The following RIMS2 variants were observed in gnomAD, a reference collection of about 807,000 sequenced individuals.
RIMS2 encodes the protein regulating synaptic membrane exocytosis 2.
A neutral mutation model predicts 174.4 loss-of-function variants in RIMS2; 59 were observed. That is an observed-to-expected ratio of 0.34 (90% confidence interval 0.27 to 0.42). RIMS2 has a LOEUF of 0.42. RIMS2 is among the 10% of genes least tolerant of loss of function. RIMS2 has a pLI of 1.00. For synonymous variants in RIMS2, 606 were observed against 572.5 expected, an observed-to-expected ratio of 1.06 and a Z score of -0.84; for missense variants, 1,620 against 1,666.3, an observed-to-expected ratio of 0.97 and a Z score of 0.48.
chr8:103,826,848 CT>C (rs973653724), intron 3 of RIMS2, among the ~76,000 whole-genome samples: 138 of 143,634 alleles, frequency 9.6e-4, no homozygotes, highest in South Asian at 1.6e-3. Flanking sequence ...AGAGACAAAA[CT>C]TTTTTTTTTT....
At chr8:104,019,506 A>G (rs959754436) in intron 19 of RIMS2, among the ~76,000 whole-genome samples, 4 of 152,292 alleles carry the variant, frequency 2.6e-5, no homozygotes, top group Non-Finnish European at 5.9e-5. Flanking sequence ...GCATTCTCTC[A>G]ATGGAGTTTT....
chr8:104,097,959 T>C (rs1402496533), intron 19 of RIMS2, among the ~76,000 whole-genome samples: 1 of 152,174 alleles, frequency 6.6e-6, no homozygotes, highest in Non-Finnish European at 1.5e-5. Flanking sequence ...TTAACATTTA[T>C]AGCAATGCTA....
chr8:103,757,706 G>A (rs1305218101), intron 2 of RIMS2, among the ~76,000 whole-genome samples: 5 of 152,180 alleles, frequency 3.3e-5, no homozygotes, highest in African/African-American at 1.2e-4. Context: ...GAGATAGGGA[G>A]ATTATGCAGG....
chr8:103,798,531 T>G (rs1014662531), intron 3 of RIMS2, among the ~76,000 whole-genome samples: 1 of 152,210 alleles, frequency 6.6e-6, no homozygotes, highest in African/African-American at 2.4e-5. Context: ...GGTTTGTTAA[T>G]CATTTGTCAG....
At chr8:103,939,086 G>C (rs2081965207) in intron 13 of RIMS2, among the ~76,000 whole-genome samples, 1 of 152,128 alleles carries the variant, frequency 6.6e-6, no homozygotes, top group Admixed American at 6.5e-5. Flanking sequence ...TCTGGAGGTT[G>C]GTGGCCATCT....
At chr8:103,956,875 A>T (rs989176940) in intron 14 of RIMS2, among the ~76,000 whole-genome samples, 8 of 152,236 alleles carry the variant, frequency 5.3e-5, no homozygotes, top group African/African-American at 1.9e-4. Context: ...TAATATCCAG[A>T]ATCTACAAAG....
chr8:103,931,241 A>T (rs1440661001), intron 11 of RIMS2, 22 bp from the exon 14 acceptor site: 6 of 1,560,248 alleles, frequency 3.8e-6, no homozygotes, highest in Non-Finnish European at 5.2e-6. Context: ...TGAATTGATA[A>T]ATGAATATTT....
intron 2 of RIMS2, among the ~76,000 whole-genome samples, chr8:103,749,227 T>A (rs1185466080): frequency 6.6e-6 from 1 of 151,948 alleles, no homozygotes; most frequent in East Asian, 1.9e-4. Flanking sequence ...TTCTCCTCCC[T>A]CAGCCTTCCG....
chr8:103,757,554 A>C (rs3107475), intron 2 of RIMS2, among the ~76,000 whole-genome samples: 41,891 of 151,894 alleles, frequency 0.28, 6,707 homozygotes, highest in East Asian at 0.62. Context: ...TTTTACTTTA[A>C]TTTTGTCTAT....
chr8:104,056,928 A>G (rs1272816444), intron 19 of RIMS2, among the ~76,000 whole-genome samples: 2 of 152,084 alleles, frequency 1.3e-5, no homozygotes, highest in African/African-American at 2.4e-5. Flanking sequence ...AGTATCCTAA[A>G]TATACCCATT....
chr8:103,902,208 G>C (rs796620970), intron 4 of RIMS2, among the ~76,000 whole-genome samples: 1 of 152,166 alleles, frequency 6.6e-6, no homozygotes, highest in Non-Finnish European at 1.5e-5. Flanking sequence ...GGTATCCACA[G>C]TTCCTAAAGG....
chr8:104,165,422 T>G (rs2098790993), intron 19 of RIMS2, among the ~76,000 whole-genome samples: 1 of 152,182 alleles, frequency 6.6e-6, no homozygotes, highest in Admixed American at 6.5e-5. Context: ...TATTTTGCAT[T>G]TATCTTAATG....
chr8:104,040,488 A>G (rs2096590280), intron 19 of RIMS2, among the ~76,000 whole-genome samples: 1 of 151,710 alleles, frequency 6.6e-6, no homozygotes, highest in Non-Finnish European at 1.5e-5. Context: ...ACTAGGGAAA[A>G]AAGTTTTTCC....
chr8:103,559,419 G>T (rs1002577174), intron 1 of RIMS2: 3 of 354,298 alleles, frequency 8.5e-6, no homozygotes, highest in African/African-American at 7.3e-5. Flanking sequence ...ATCCGATGCA[G>T]GGGATTAAAA....
intron 19 of RIMS2, among the ~76,000 whole-genome samples, chr8:104,220,586 A>T (rs2099150445): frequency 6.6e-6 from 1 of 151,856 alleles, no homozygotes; most frequent in South Asian, 2.1e-4. Context: ...TCCCCAGCCA[A>T]TTTATTTTAT....
intron 3 of RIMS2, among the ~76,000 whole-genome samples, chr8:103,810,214 A>G (rs574519824): frequency 6.6e-6 from 1 of 152,310 alleles, no homozygotes; most frequent in African/African-American, 2.4e-5. Context: ...TAGAATCACC[A>G]TTAATATTGC....
At chr8:104,155,483 G>A (rs1173043043) in intron 19 of RIMS2, among the ~76,000 whole-genome samples, 3 of 121,292 alleles carry the variant, frequency 2.5e-5, no homozygotes, top group Non-Finnish European at 5.0e-5. Context: ...GCGCGATCTC[G>A]GCTCACTGCA....
At chr8:103,566,050 G>A (rs908515917) in intron 1 of RIMS2, among the ~76,000 whole-genome samples, 1 of 152,166 alleles carries the variant, frequency 6.6e-6, no homozygotes, top group African/African-American at 2.4e-5. Context: ...GTGCCACTGA[G>A]TTTTATAACA....
At chr8:104,058,008 G>T (rs1012021404) in intron 19 of RIMS2, among the ~76,000 whole-genome samples, 1 of 152,078 alleles carries the variant, frequency 6.6e-6, no homozygotes, top group African/African-American at 2.4e-5. Flanking sequence ...TTGCTATTGT[G>T]AATGGTGCCG....
Sources: gnomAD v4.1 joint callset for allele counts (sites outside exome capture counted in the v4.1 genomes callset) on GRCh38, gnomAD v4.1.1 for gene constraint, MANE v1.5 for transcripts, NCBI Gene and HGNC (gene_info 2026-07-23, HGNC 2026-07-21) for gene names.